GALK2: variants seen among roughly 807,000 people sequenced by gnomAD.
The protein encoded by GALK2 is N-acetylgalactosamine kinase.
In GALK2, 36 loss-of-function variants were observed where a neutral mutation model predicts 52.4. The ratio of observed to expected loss-of-function variants is 0.69; its 90% CI spans 0.53 to 0.91. The LOEUF is 0.91. Ranked by LOEUF, GALK2 falls within the 40% of genes least tolerant of loss-of-function variation. The pLI is 0.00. For synonymous variants in GALK2, 176 were observed against 199.1 expected, an observed-to-expected ratio of 0.88 and a Z score of 0.98; for missense variants, 579 against 559.1, an observed-to-expected ratio of 1.04 and a Z score of -0.36.
chr15:49,170,454 C>G, intron 1 of GALK2, 79 bp downstream of exon 1: 1 of 1,414,918 alleles, frequency 7.1e-7, no homozygotes. Context: ...CTTGGCTCCT[C>G]CCTTGGGGCG....
chr15:49,347,975 C>A (rs952210582), intron 3 of GALK2, among the ~76,000 whole-genome samples: 6 of 138,636 alleles, frequency 4.3e-5, no homozygotes, highest in African/African-American at 1.6e-4. Flanking sequence ...GCTGAGATTG[C>A]ACCATTGCAC....
downstream of GALK2, among the ~76,000 whole-genome samples, chr15:49,335,971 A>C (rs2039638959): frequency 6.6e-6 from 1 of 152,046 alleles, no homozygotes; most frequent in Non-Finnish European, 1.5e-5. Flanking sequence ...CTCCTGCCTC[A>C]GCTTCCTGAG....
rs1263795509 is a variant in GALK2, at chr15:49,292,553, A to G, written c.967+16A>G. The G allele has an allele frequency of 6.3e-7, 1 of 1,599,456 alleles. No individual in the cohort carries two copies. Among genetic ancestry groups the G allele is most frequent in the East Asian group, 2.2e-5 (1 of 44,812 alleles). On this transcript the variant is annotated intron_variant, in intron 8 of 9. Transcript: ENST00000560031. ...ACTCAAGATGGTGAGTTGGCTGGAG[A>G]AAGTATGATATATGTTATTCCCTCA...
At chr15:49,170,148 G>A (rs757754577), upstream of GALK2, 102 of 1,428,544 alleles carry the variant, frequency 7.1e-5, no homozygotes, top group Non-Finnish European at 9.0e-5. Context: ...GGGAGGAGGA[G>A]CCAGAGGAGG....
chr15:49,261,025 G>A lies in GALK2; in HGVS notation c.505-20962G>A, dbSNP rs1441526607. On this transcript the variant is annotated intron_variant, in intron 5 of 9. Coordinates refer to ENST00000560031, the MANE Select transcript of GALK2 (RefSeq NM_002044.4). ...TGATGCCTCCAGCTTTGTACTTTTGGCTTAGGATTGGCTTGGCAATGCAGG... is the reference window on the plus strand; with the variant it reads ...TGATGCCTCCAGCTTTGTACTTTTGACTTAGGATTGGCTTGGCAATGCAGG... 2.6e-5 allele frequency among the ~76,000 whole-genome samples: 4 copies of A among 151,874 alleles called. No homozygotes were observed. In the East Asian group the frequency reaches 7.7e-4, roughly 29 times the overall value.
intron 3 of GALK2, among the ~76,000 whole-genome samples, chr15:49,221,086 A>C (rs987495730): frequency 2.6e-5 from 4 of 152,082 alleles, no homozygotes; most frequent in Non-Finnish European, 1.5e-5. Context: ...TTTTAGTTTA[A>C]AATAGTTTTA....
chr15:49,217,966 A>G (rs2089514654), intron 3 of GALK2, among the ~76,000 whole-genome samples: 1 of 152,210 alleles, frequency 6.6e-6, no homozygotes, highest in African/African-American at 2.4e-5. Context: ...AATATGGTGA[A>G]TTAGTCTGAC....
rs1384942527 is a variant in GALK2 at position 49,329,030 on chromosome 15, TACTTTTTCTCAA to T, written c.*873_*884del. On this transcript the variant is annotated 3_prime_UTR_variant, in exon 10 of 10. Coordinates refer to ENST00000560031, the MANE Select transcript of GALK2 (RefSeq NM_002044.4). ...TACTTTCTTATCACTCTTTTTCTACTACTTTTTCTCAAATACCTCTCTAATCCAAGAGGCACT... is the reference window on the plus strand; with the variant it reads ...TACTTTCTTATCACTCTTTTTCTACTATACCTCTCTAATCCAAGAGGCACT... The T allele has an allele frequency of 1.8e-5, 18 of 1,007,426 alleles. No individual in the cohort carries two copies. Among genetic ancestry groups the T allele is most frequent in the African/African-American group, 3.4e-5 (2 of 57,996 alleles). 62.4% of individuals were successfully genotyped at this position (1,007,426 alleles called of 1,614,324 possible).
upstream of GALK2, among the ~76,000 whole-genome samples, chr15:49,167,503 G>C (rs529779558): frequency 1.8e-4 from 27 of 152,070 alleles, no homozygotes; most frequent in African/African-American, 6.5e-4. Flanking sequence ...GATTACAGGC[G>C]CCCGCCACCA....
intron 1 of GALK2, among the ~76,000 whole-genome samples, chr15:49,192,500 T>TATATATAC (rs2086831236): frequency 4.6e-5 from 6 of 130,762 alleles, no homozygotes; most frequent in Non-Finnish European, 9.7e-5. Flanking sequence ...TATATATATA[T>TATATATAC]ATATATATAT....
chr15:49,304,292 C>T (rs1170585532), intron 8 of GALK2, among the ~76,000 whole-genome samples: 1 of 152,182 alleles, frequency 6.6e-6, no homozygotes, highest in Non-Finnish European at 1.5e-5. Context: ...TTGTCCTGTA[C>T]TGGTAAGCTC....
At chr15:49,293,866 G>A (rs776324672) in intron 8 of GALK2, among the ~76,000 whole-genome samples, 1 of 152,066 alleles carries the variant, frequency 6.6e-6, no homozygotes, top group African/African-American at 2.4e-5. Context: ...TTGGGAAGCC[G>A]AGGTGGGTGG....
At chr15:49,218,449 G>A (rs2089552590) in intron 3 of GALK2, among the ~76,000 whole-genome samples, 3 of 152,134 alleles carry the variant, frequency 2.0e-5, no homozygotes, top group Admixed American at 1.3e-4. Flanking sequence ...TTTCACAAAA[G>A]TAGATCCTGA....
intron 1 of GALK2, chr15:49,195,004 G>T: frequency 2.5e-6 from 1 of 403,110 alleles, no homozygotes; most frequent in Non-Finnish European, 4.8e-6. Context: ...AACTTTGGGA[G>T]AACTACATCT....
At chr15:49,264,580 G>C (rs1184815561) in intron 5 of GALK2, among the ~76,000 whole-genome samples, 1 of 152,224 alleles carries the variant, frequency 6.6e-6, no homozygotes, top group African/African-American at 2.4e-5. Flanking sequence ...GCTCGTCAAA[G>C]TCATTCTCCA....
At chr15:49,157,533 C>T (rs2141142800) in intron 1 of GALK2, among the ~76,000 whole-genome samples, 1 of 152,040 alleles carries the variant, frequency 6.6e-6, no homozygotes, top group Non-Finnish European at 1.5e-5. Context: ...TAGTTAAGTC[C>T]CATGGCCTTC....
At chr15:49,242,370 G>A (rs1021114450) in intron 5 of GALK2, among the ~76,000 whole-genome samples, 4 of 152,178 alleles carry the variant, frequency 2.6e-5, no homozygotes, top group Non-Finnish European at 4.4e-5. Flanking sequence ...CAGAAATGCA[G>A]CAAGGCAGAG....
intron 3 of GALK2, among the ~76,000 whole-genome samples, chr15:49,234,309 A>G (rs898320513): frequency 6.6e-6 from 1 of 152,204 alleles, no homozygotes; most frequent in Non-Finnish European, 1.5e-5. Context: ...TATGCTTAGT[A>G]TATTGTATCA....
At chr15:49,294,754 A>G (rs1441455183) in intron 8 of GALK2, among the ~76,000 whole-genome samples, 3 of 152,298 alleles carry the variant, frequency 2.0e-5, no homozygotes, top group Admixed American at 6.5e-5. Context: ...TAATAAAGGT[A>G]TTTATCAAGA....
Sources: allele counts gnomAD v4.1 joint callset (sites outside exome capture counted in the v4.1 genomes callset), GRCh38; gene constraint gnomAD v4.1.1; transcripts MANE v1.5; gene names NCBI Gene and HGNC (gene_info 2026-07-23, HGNC 2026-07-21).